CA5B: variants seen among roughly 807,000 people sequenced by gnomAD.
The protein encoded by CA5B is carbonic anhydrase 5B, also known as carbonic anhydrase 5B, mitochondrial.
Under a neutral mutation model 23.1 loss-of-function variants are expected in CA5B, and 15 were observed. The ratio of observed to expected loss-of-function variants is 0.65; its 90% CI spans 0.43 to 1.00. The LOEUF is 1.00. Among genes scored for constraint, CA5B ranks in the 50% least tolerant of loss-of-function variants. The pLI is 0.00. For synonymous variants in CA5B, 84 were observed against 98.5 expected (o/e 0.85, Z 0.87); for missense variants, 236 against 252.2 (o/e 0.94, Z 0.43).
At chrX:15,745,238 T>C (rs1475280609) in intron 1 of CA5B, among the ~76,000 whole-genome samples, 1 of 99,118 alleles carries the variant, frequency 1.0e-5, no homozygotes, top group African/African-American at 3.8e-5. Flanking sequence ...CTAAGTAAAA[T>C]AAGCCAGTCA....
At chrX:15,776,486 C>T (rs887241035) in intron 6 of CA5B, among the ~76,000 whole-genome samples, 3 of 111,552 alleles carry the variant, frequency 2.7e-5, no homozygotes, top group Non-Finnish European at 5.7e-5. Flanking sequence ...TGGTTTTGGC[C>T]GTTTTCCCAC....
chrX:15,740,427 A>T lies in CA5B; in HGVS notation c.-54+2075A>T, dbSNP rs149612815. On this transcript the variant is annotated intron_variant, in intron 1 of 7. Transcript: ENST00000318636. Reference sequence around the variant, plus strand: ...ACTTCTAATTTAACAGAGAGGATAGACCTTAGGCCTGAACAAAAATAACCT... The same window carrying T: ...ACTTCTAATTTAACAGAGAGGATAGTCCTTAGGCCTGAACAAAAATAACCT... 6.5e-3 allele frequency among the ~76,000 whole-genome samples: 728 copies of T among 112,757 alleles called. 15 individuals are homozygous for T. Among genetic ancestry groups the T allele is most frequent in the African/African-American group, 0.023 (706 of 31,058 alleles).
At chrX:15,753,344 G>T (rs1931417810) in intron 2 of CA5B, among the ~76,000 whole-genome samples, 1 of 112,757 alleles carries the variant, frequency 8.9e-6, no homozygotes. Flanking sequence ...GTTAAGCTTT[G>T]CCTAAAGAGT....
At chrX:15,752,238 C>G (rs771177238) in intron 2 of CA5B, among the ~76,000 whole-genome samples, 2 of 110,949 alleles carry the variant, frequency 1.8e-5, no homozygotes, top group African/African-American at 3.3e-5. Context: ...GAGTCATGCC[C>G]CACAAATCAT....
chrX:15,782,588 G>A lies in CA5B; in HGVS notation c.878G>A (p.Arg293His), dbSNP rs199945005. The A allele has an allele frequency of 7.4e-6, 9 of 1,208,494 alleles. No individual in the cohort carries two copies. The Admixed American group carries it at 1.3e-4, about 18-fold the overall frequency. The change falls in exon 8 of 8, where the codon CGT becomes CAT. Residue 293 changes from arginine to histidine, a missense_variant. By Grantham distance (29) the Arg-to-His change is conservative (BLOSUM62 0). Around this residue, in one of 3 missense-constraint regions of CA5B, gnomAD observed 170 missense variants for 162.0 expected, o/e 1.05. Coordinates refer to ENST00000318636, the MANE Select transcript of CA5B (RefSeq NM_007220.4). ...CAGCCACTGATGAATCGCACTGTTC[G>A]TTCATCCTTCCGGCATGATTATGTG... ...PLQPLMNRTV[R>H]SSFRHDYVLN...
intron 3 of CA5B, chrX:15,766,847 G>A (rs778185211): frequency 1.6e-5 from 5 of 312,309 alleles, no homozygotes; most frequent in African/African-American, 5.4e-5. Flanking sequence ...ATTGTGTAGC[G>A]GTGAAGTCTG....
rs1005912533 is a variant in CA5B, at chrX:15,782,841, C to T, written c.*177C>T. 2 of 371,243 alleles carry T rather than the reference C, an allele frequency of 5.4e-6. No individual in the cohort carries two copies. The highest frequency in any genetic ancestry group is 9.3e-6 in the Non-Finnish European group (2 of 215,639). The allele number at this position is 371,243 out of a possible 1,213,427, so 30.6% of individuals were successfully genotyped here. Reference sequence around the variant, plus strand: ...GGCTATTCGGTACCAGCAAGAGACACAAGTTTCTCTTACAGATACCTGTTG... The same window carrying T: ...GGCTATTCGGTACCAGCAAGAGACATAAGTTTCTCTTACAGATACCTGTTG... On this transcript the variant is annotated 3_prime_UTR_variant, in exon 8 of 8. Coordinates refer to ENST00000318636, the MANE Select transcript of CA5B (RefSeq NM_007220.4).
At chrX:15,765,760 C>T (rs1011602674) in intron 3 of CA5B, among the ~76,000 whole-genome samples, 1 of 110,097 alleles carries the variant, frequency 9.1e-6, no homozygotes, top group Admixed American at 9.9e-5. Context: ...ATATCCTTAA[C>T]GAAGAGTTGT....
chrX:15,750,258 A>G (rs1197940713), intron 2 of CA5B, 93 bp downstream of exon 2: 2 of 730,568 alleles, frequency 2.7e-6, no homozygotes, highest in Admixed American at 6.3e-5. Context: ...AGAAAAGAAA[A>G]GAGGGAGCAA....
At chrX:15,751,828 C>T (rs777255395) in intron 2 of CA5B, among the ~76,000 whole-genome samples, 7 of 111,213 alleles carry the variant, frequency 6.3e-5, no homozygotes, top group East Asian at 2.8e-4. Flanking sequence ...GCCTTCGAGC[C>T]GGTCCTGTTT....
At position 15,759,734 on chromosome X, in the gene CA5B, C is replaced by CTTTTTTTTTT. The variant is rs56915078; in HGVS notation, c.143-4821_143-4812dup. Among the ~76,000 whole-genome samples, 15 of 37,417 alleles carry CTTTTTTTTTT rather than the reference C, an allele frequency of 4.0e-4. 1 individual carries two copies. Among genetic ancestry groups the CTTTTTTTTTT allele is most frequent in the African/African-American group, 2.0e-3 (15 of 7,628 alleles). 32.5% of individuals were successfully genotyped at this position (37,417 alleles called of 115,157 possible). On this transcript the variant is annotated intron_variant, in intron 2 of 7. Transcript: ENST00000318636. ...CCCATCAGCTAGAAATTACTGACAC[C>CTTTTTTTTTT]TTTTTTTTTTTTTTTTTTTTTTTTT...
rs1932099577 is a variant in CA5B, at chrX:15,785,652, T to C, written c.*2988T>C. ...TATACGTATAAGTTTGAGAAATATCTCTTTTAAAAAGGGGGAAATGTGAAG... is the reference window on the plus strand; with the variant it reads ...TATACGTATAAGTTTGAGAAATATCCCTTTTAAAAAGGGGGAAATGTGAAG... On this transcript the variant is annotated 3_prime_UTR_variant, in exon 8 of 8. Transcript: ENST00000318636. 8.9e-6 allele frequency: 1 copy of C among 111,782 alleles called. No homozygotes were observed. Among genetic ancestry groups the C allele is most frequent in the Non-Finnish European group, 1.9e-5 (1 of 53,129 alleles). The allele number at this position is 111,782 out of a possible 1,213,427, so 9.2% of individuals were successfully genotyped here.
chrX:15,747,808 C>A lies in CA5B; in HGVS notation c.-53-2163C>A, dbSNP rs149446737. Among the ~76,000 whole-genome samples the A allele has an allele frequency of 4.3e-3, 480 of 111,081 alleles. 4 individuals carry two copies. Among genetic ancestry groups the A allele is most frequent in the African/African-American group, 0.015 (463 of 30,505 alleles). On this transcript the variant is annotated intron_variant, in intron 1 of 7. Transcript: ENST00000318636. The stretch of plus-strand genomic sequence containing the variant: ...GCGGCTTTGTTTTCTGGGGTAAATA[C>A]CCTGGGTTCGGTGTCTCACACGGAG...
At chrX:15,757,773 G>C (rs775083109) in intron 2 of CA5B, among the ~76,000 whole-genome samples, 1 of 110,154 alleles carries the variant, frequency 9.1e-6, no homozygotes, top group Non-Finnish European at 1.9e-5. Flanking sequence ...AAGAAGAGTA[G>C]CATGCTAAGG....
chrX:15,758,278 T>C (rs151338722), intron 2 of CA5B, among the ~76,000 whole-genome samples: 4,075 of 111,195 alleles, frequency 0.037, 187 homozygotes, highest in African/African-American at 0.12. Context: ...GTAGATTCAG[T>C]GTCTGATGAG....
At position 15,780,865 on chromosome X, in the gene CA5B, C is replaced by T. The variant is rs746473968; in HGVS notation, c.775-1620C>T. On this transcript the variant is annotated intron_variant, in intron 7 of 7. Transcript: ENST00000318636. ...GAAGTCTTTGTTGCAAATGACTCTT[C>T]GCTTGCTTGTCTACTGTGCCCCAGG... 5.3e-5 allele frequency among the ~76,000 whole-genome samples: 6 copies of T among 112,356 alleles called. No homozygotes were observed. The Middle Eastern group carries it at 0.014, about 259-fold the overall frequency.
chrX:15,759,734 CTTTTTTTTTTTTT>C (rs56915078), intron 2 of CA5B, among the ~76,000 whole-genome samples: 6 of 37,396 alleles, frequency 1.6e-4, no homozygotes, highest in Non-Finnish European at 2.6e-4. Flanking sequence ...TTACTGACAC[CTTTTTTTTTTTTT>C]TTTTTTTTTT....
chrX:15,752,685 A>G (rs923344449), intron 2 of CA5B, among the ~76,000 whole-genome samples: 13 of 109,562 alleles, frequency 1.2e-4, no homozygotes, highest in Non-Finnish European at 1.9e-4. Flanking sequence ...AGATCGCGCC[A>G]CTGCACTCCA....
intron 2 of CA5B, among the ~76,000 whole-genome samples, chrX:15,756,737 C>A (rs1178547688): frequency 9.1e-6 from 1 of 109,924 alleles, no homozygotes; most frequent in Non-Finnish European, 1.9e-5. Context: ...ATAGTGAGAC[C>A]CTATCTCTAC....
Sources: gnomAD v4.1 joint callset for allele counts (sites outside exome capture counted in the v4.1 genomes callset) on GRCh38, gnomAD v4.1.1 for gene constraint, gnomAD v4.1.1 regional missense constraint, MANE v1.5 for transcripts, NCBI Gene and HGNC (gene_info 2026-07-23, HGNC 2026-07-21) for gene names.